Variants in CACNG5 observed in about 807,000 individuals in gnomAD.
CACNG5 encodes calcium voltage-gated channel auxiliary subunit gamma 5.
In CACNG5, 18 loss-of-function variants were observed where a neutral mutation model predicts 24.8. That is an observed-to-expected ratio of 0.73 (90% confidence interval 0.50 to 1.08). The LOEUF is 1.08. Ranked by LOEUF, CACNG5 falls within the 50% of genes least tolerant of loss-of-function variation. The pLI is 0.00. For synonymous variants in CACNG5, 157 were observed against 149.1 expected (o/e 1.05, Z -0.39); for missense variants, 349 against 367.9 (o/e 0.95, Z 0.42).
At chr17:66,879,564 T>G (rs1285298053) in intron 3 of CACNG5, among the ~76,000 whole-genome samples, 1 of 152,052 alleles carries the variant, frequency 6.6e-6, no homozygotes, top group Non-Finnish European at 1.5e-5. Context: ...ATTGCAAAAA[T>G]GACTCACAGA....
In CACNG5 at chr17:66,835,139, T is replaced by C. The variant is rs1976465798; in HGVS notation, c.-215T>C. On this transcript the variant is annotated 5_prime_UTR_variant, in exon 1 of 6. Coordinates refer to ENST00000533854, the MANE Select transcript of CACNG5 (RefSeq NM_145811.3). ...GTCATTGGCGCCGAGCGGTTCCGGCTGACTGGACGGGGCGGGCGTCCCGGG... is the reference window on the plus strand; with the variant it reads ...GTCATTGGCGCCGAGCGGTTCCGGCCGACTGGACGGGGCGGGCGTCCCGGG... 1 of 152,098 alleles carries C rather than the reference T, an allele frequency of 6.6e-6. No homozygotes were observed. The highest frequency in any genetic ancestry group is 2.4e-5 in the African/African-American group (1 of 41,450). 9.4% of individuals were successfully genotyped at this position (152,098 alleles called of 1,614,324 possible). A position where few individuals can be genotyped will look rare whatever the true frequency, so the allele number is the denominator to read the frequency against.
intron 1 of CACNG5, among the ~76,000 whole-genome samples, chr17:66,853,642 C>T (rs1976735403): frequency 6.6e-6 from 1 of 152,064 alleles, no homozygotes; most frequent in African/African-American, 2.4e-5. Flanking sequence ...CAAGCTATGT[C>T]CCAGTAATGC....
chr17:66,874,221 G>T (rs1011442213), intron 1 of CACNG5, among the ~76,000 whole-genome samples: 2 of 152,164 alleles, frequency 1.3e-5, no homozygotes, highest in Non-Finnish European at 2.9e-5. Context: ...GGGGAGTAAG[G>T]TGCTTAACAG....
chr17:66,845,107 G>A (rs1337085671), intron 1 of CACNG5, among the ~76,000 whole-genome samples: 3 of 152,194 alleles, frequency 2.0e-5, no homozygotes, highest in Non-Finnish European at 1.5e-5. Context: ...GGAATATTAT[G>A]CAGCCATAAA....
chr17:66,845,953 T>C (rs942128148), intron 1 of CACNG5, among the ~76,000 whole-genome samples: 4 of 152,146 alleles, frequency 2.6e-5, no homozygotes, highest in African/African-American at 4.8e-5. Flanking sequence ...ACCTCCTGCC[T>C]CTTGGGGCTC....
chr17:66,877,640 G>A lies in CACNG5; in HGVS notation c.196+112G>A, dbSNP rs112328711. The stretch of plus-strand genomic sequence containing the variant: ...ATGCTGGAAGGAGACCATTCACCAC[G>A]GATGATCCCTATATATGGCGGGTGG... On this transcript the variant is annotated intron_variant, in intron 2 of 5. Coordinates refer to ENST00000533854, the MANE Select transcript of CACNG5 (RefSeq NM_145811.3). 5.0e-4 allele frequency: 436 copies of A among 865,296 alleles called. 1 individual carries two copies. The African/African-American group carries it at 6.4e-3, about 13-fold the overall frequency. 53.6% of individuals were successfully genotyped at this position (865,296 alleles called of 1,614,324 possible). A position where few individuals can be genotyped will look rare whatever the true frequency, so the allele number is the denominator to read the frequency against.
chr17:66,856,545 CTTT>C (rs60304454), intron 1 of CACNG5, among the ~76,000 whole-genome samples: 35 of 142,922 alleles, frequency 2.4e-4, no homozygotes, highest in Non-Finnish European at 4.0e-4. Context: ...GCCCCCCCGC[CTTT>C]TTTTTTTTTT....
rs546962024 is a variant in CACNG5 at position 66,890,614 on chromosome 17, G to A, written c.*5374G>A. Among the ~76,000 whole-genome samples, 76 of 152,342 alleles carry A rather than the reference G, an allele frequency of 5.0e-4. No homozygotes were observed. The highest frequency in any genetic ancestry group is 1.8e-3 in the African/African-American group (73 of 41,580). ...TGTGGGGCTAAGGTTTTCTGCCCCAGGTGGCCCCATCCTTGAAGGTTTGCA... is the reference window on the plus strand; with the variant it reads ...TGTGGGGCTAAGGTTTTCTGCCCCAAGTGGCCCCATCCTTGAAGGTTTGCA... On this transcript the variant is annotated 3_prime_UTR_variant, in exon 6 of 6. Transcript: ENST00000533854.
At position 66,883,551 on chromosome 17, in the gene CACNG5, C is replaced by T. The variant is rs113150556; in HGVS notation, c.425-965C>T. ...CAATTACAGCTACTAATTGATAGAA[C>T]TGATGCCTGAGGCAGTCATTTGCAC... On this transcript the variant is annotated intron_variant, in intron 4 of 5. Transcript: ENST00000533854. Among the ~76,000 whole-genome samples the T allele has an allele frequency of 7.1e-3, 1,075 of 152,332 alleles. 1 individual carries two copies. Among genetic ancestry groups the T allele is most frequent in the Non-Finnish European group, 0.011 (761 of 68,032 alleles).
rs547492348 is a variant in CACNG5, at chr17:66,887,679, A to T, written c.*2439A>T. 2.0e-5 allele frequency among the ~76,000 whole-genome samples: 3 copies of T among 152,236 alleles called. No homozygotes were observed. Among genetic ancestry groups the T allele is most frequent in the African/African-American group, 7.2e-5 (3 of 41,534 alleles). On this transcript the variant is annotated 3_prime_UTR_variant, in exon 6 of 6. Transcript: ENST00000533854. ...CCAGGCTTGTTTTTGGTGCACCTGG[A>T]AAAAGTAGAATCCACTCCTAAATAC...
At chr17:66,843,101 G>A (rs1976589456) in intron 1 of CACNG5, among the ~76,000 whole-genome samples, 1 of 152,202 alleles carries the variant, frequency 6.6e-6, no homozygotes, top group Non-Finnish European at 1.5e-5. Context: ...ACTATTTAAT[G>A]GAATCCCCTG....
intron 1 of CACNG5, among the ~76,000 whole-genome samples, chr17:66,864,968 C>G (rs1229766484): frequency 2.0e-5 from 3 of 152,134 alleles, no homozygotes; most frequent in Admixed American, 6.5e-5. Context: ...CACTATGTTG[C>G]CCAGGCTAGT....
In CACNG5 at chr17:66,886,820, A is replaced by T. The variant is rs1040322459; in HGVS notation, c.*1580A>T. On this transcript the variant is annotated 3_prime_UTR_variant, in exon 6 of 6. Coordinates refer to ENST00000533854, the MANE Select transcript of CACNG5 (RefSeq NM_145811.3). ...ATTTTCCTACAGTTCTGGGTACCGG[A>T]GTCCAAGATCACGGTGTTGGCAGGA... is the stretch of plus-strand genomic sequence containing the variant. Among the ~76,000 whole-genome samples the T allele has an allele frequency of 6.6e-6, 1 of 152,112 alleles. No individual in the cohort carries two copies. Among genetic ancestry groups the T allele is most frequent in the African/African-American group, 2.4e-5 (1 of 41,422 alleles).
chr17:66,836,428 T>G (rs1294977988), intron 1 of CACNG5, among the ~76,000 whole-genome samples: 2 of 152,180 alleles, frequency 1.3e-5, no homozygotes, highest in Non-Finnish European at 2.9e-5. Flanking sequence ...TGCCTGGGTG[T>G]GGGTGTGGGA....
Position 66,892,722 on chromosome 17 carries a change from T to C in CACNG5, c.*7482T>C, listed in dbSNP as rs775404027. The stretch of plus-strand genomic sequence containing the variant: ...TGAAAACACCGTGTAAACTGTAAAG[T>C]CCTCTTTGGACTAAGTTATTTTCAT... On this transcript the variant is annotated 3_prime_UTR_variant, in exon 6 of 6. Transcript: ENST00000533854. 3.3e-5 allele frequency among the ~76,000 whole-genome samples: 5 copies of C among 152,216 alleles called. No homozygotes were observed. Among genetic ancestry groups the C allele is most frequent in the African/African-American group, 9.7e-5 (4 of 41,448 alleles).
In CACNG5 at chr17:66,878,999, T is replaced by C. The variant is rs1231353840; in HGVS notation, c.224T>C (p.Ile75Thr). 2.5e-6 allele frequency: 4 copies of C among 1,613,762 alleles called. No homozygotes were observed. Among genetic ancestry groups the C allele is most frequent in the Non-Finnish European group, 3.4e-6 (4 of 1,179,806 alleles). The change falls in exon 3 of 6, where the codon ATA (isoleucine) becomes ACA (threonine). Residue 75 changes from isoleucine (I) to threonine (T), a missense_variant. Coordinates refer to ENST00000533854, the MANE Select transcript of CACNG5 (RefSeq NM_145811.3). Reference sequence around the variant, plus strand: ...GAGGAGCGGGGGCGTTGCTTCACCATAGAATATGTGATGCCCATGAACACC... The same window carrying C: ...GAGGAGCGGGGGCGTTGCTTCACCACAGAATATGTGATGCCCATGAACACC... ...AGEERGRCFT[I>T]EYVMPMNTQL...
chr17:66,866,600 G>T (rs1178116487), intron 1 of CACNG5, among the ~76,000 whole-genome samples: 1 of 152,074 alleles, frequency 6.6e-6, no homozygotes, highest in Non-Finnish European at 1.5e-5. Context: ...TTGTCCTGAT[G>T]TTCTCCCTCC....
intron 1 of CACNG5, among the ~76,000 whole-genome samples, chr17:66,855,227 A>G (rs1026410611): frequency 1.3e-5 from 2 of 152,178 alleles, no homozygotes; most frequent in African/African-American, 4.8e-5. Flanking sequence ...CATAAGCTGC[A>G]ATGTTCCCGA....
At chr17:66,854,820 TGAA>T (rs1281670954) in intron 1 of CACNG5, among the ~76,000 whole-genome samples, 1 of 148,466 alleles carries the variant, frequency 6.7e-6, no homozygotes, top group Non-Finnish European at 1.5e-5. Context: ...AGAAAGAAGA[TGAA>T]GAATCCAATA....
Sources: gnomAD v4.1 joint callset for allele counts (sites outside exome capture counted in the v4.1 genomes callset) on GRCh38, gnomAD v4.1.1 for gene constraint, MANE v1.5 for transcripts, NCBI Gene and HGNC (gene_info 2026-07-23, HGNC 2026-07-21) for gene names.